TPM4: variants seen among roughly 807,000 people sequenced by gnomAD.
The protein encoded by TPM4 is tropomyosin alpha-4 chain.
Under a neutral mutation model 35.8 loss-of-function variants are expected in TPM4, and 17 were observed. The observed-to-expected ratio is 0.47, with a 90% confidence interval of 0.32 to 0.71. The LOEUF is 0.71. Ranked by LOEUF, TPM4 falls within the 30% of genes least tolerant of loss-of-function variation. The pLI, the probability that TPM4 is intolerant of heterozygous loss-of-function variation, is 0.03. For missense variants in TPM4, 240 were observed against 320.9 expected, an observed-to-expected ratio of 0.75 and a Z score of 1.93; for synonymous variants, 120 against 122.9, an observed-to-expected ratio of 0.98 and a Z score of 0.15.
rs770709069 is a variant in TPM4 at position 16,095,275 on chromosome 19, G to A, written c.664+1522G>A. On this transcript the variant is annotated intron_variant, in intron 7 of 7. Coordinates refer to ENST00000643579, the MANE Select transcript of TPM4 (RefSeq NM_003290.3). ...CCTCCGCCCTCTAGATGAGTTATAC[G>A]CTCAGAAGCTCAAGTACAAAGCTAT... is the stretch of plus-strand genomic sequence containing the variant. 9.7e-6 allele frequency: 10 copies of A among 1,026,554 alleles called. No individual in the cohort carries two copies. In the South Asian group the frequency reaches 4.0e-4, roughly 41 times the overall value. The allele number at this position is 1,026,554 out of a possible 1,614,324, so 63.6% of individuals were successfully genotyped here.
chr19:16,083,681 C>T (rs962113581), intron 2 of TPM4, among the ~76,000 whole-genome samples: 8 of 145,534 alleles, frequency 5.5e-5, no homozygotes, highest in Non-Finnish European at 8.9e-5. Context: ...CGCGTCTGCC[C>T]CTCATTCACA....
upstream of TPM4, among the ~76,000 whole-genome samples, chr19:16,072,609 C>A (rs112408348): frequency 2.6e-3 from 392 of 152,332 alleles, 4 homozygotes; most frequent in African/African-American, 8.7e-3. Context: ...TGGGGCTTCC[C>A]TGAGACAATA....
intron 2 of TPM4, chr19:16,068,102 CGTAT>C (rs899464998): frequency 1.9e-4 from 64 of 345,804 alleles, no homozygotes; most frequent in Middle Eastern, 7.8e-4. Context: ...TGTGTTTGAG[CGTAT>C]GTGTGTGTAC....
upstream of TPM4, among the ~76,000 whole-genome samples, chr19:16,073,448 C>T (rs1350538812): frequency 6.6e-6 from 1 of 152,192 alleles, no homozygotes; most frequent in Non-Finnish European, 1.5e-5. Context: ...CCGGAATGCT[C>T]AGAGACCAGC....
At chr19:16,093,998 T>A (rs919970355) in intron 7 of TPM4, among the ~76,000 whole-genome samples, 1 of 142,642 alleles carries the variant, frequency 7.0e-6, no homozygotes, top group Non-Finnish European at 1.5e-5. Flanking sequence ...TCTGGCTCTG[T>A]CTCCCAGGCT....
At chr19:16,083,439 C>T (rs2090508890) in intron 2 of TPM4, among the ~76,000 whole-genome samples, 1 of 152,166 alleles carries the variant, frequency 6.6e-6, no homozygotes, top group African/African-American at 2.4e-5. Context: ...GAGTGAGACT[C>T]TGTCTCAAAA....
intron 1 of TPM4, chr19:16,078,184 G>A (rs546690157): frequency 7.5e-5 from 30 of 398,720 alleles, no homozygotes; most frequent in Non-Finnish European, 1.0e-4. Context: ...GCAGTTATGG[G>A]AGCATGACAG....
intron 1 of TPM4, chr19:16,081,542 C>T (rs182391473): frequency 2.6e-4 from 42 of 163,922 alleles, no homozygotes; most frequent in African/African-American, 1.0e-3. Flanking sequence ...ACTACAGGCA[C>T]GTGCCACCAC....
At chr19:16,090,673 G>A (rs2090615892) in intron 5 of TPM4, among the ~76,000 whole-genome samples, 1 of 152,052 alleles carries the variant, frequency 6.6e-6, no homozygotes, top group African/African-American at 2.4e-5. Context: ...CTGGCATTAT[G>A]ATTTCTTACA....
At chr19:16,092,165 A>G (rs554088057) in intron 5 of TPM4, among the ~76,000 whole-genome samples, 82 of 146,032 alleles carry the variant, frequency 5.6e-4, no homozygotes, top group Non-Finnish European at 9.9e-4. Context: ...GTGACAGAGC[A>G]AGATTCTGTC....
At chr19:16,068,749 A>C (rs1013815642) in intron 2 of TPM4, among the ~76,000 whole-genome samples, 3 of 151,790 alleles carry the variant, frequency 2.0e-5, no homozygotes, top group Non-Finnish European at 4.4e-5. Context: ...GTGTGAGAGC[A>C]GTTCTGTGTG....
Position 16,070,713 on chromosome 19 carries a change from A to G in TPM4, c.114+2975A>G, listed in dbSNP as rs537188945. Among the ~76,000 whole-genome samples the G allele has an allele frequency of 1.1e-4, 16 of 152,174 alleles. No individual in the cohort carries two copies. The highest frequency in any genetic ancestry group is 3.9e-4 in the African/African-American group (16 of 41,522). On this transcript the variant is annotated intron_variant, in intron 2 of 2. Coordinates refer to the TPM4 transcript ENST00000589897. This position sits in a 1 kb window ranked among gnomAD's most constrained non-coding sequence, Gnocchi z 7.4. ...GTAAGCACTCAATAAATGTAGGTTG[A>G]TTTCCTGCCCCGCCCTACTTCCCCT...
At chr19:16,084,768 C>T (rs966743011) in intron 2 of TPM4, among the ~76,000 whole-genome samples, 4 of 152,128 alleles carry the variant, frequency 2.6e-5, no homozygotes, top group African/African-American at 7.2e-5. Context: ...AGCTTGCTCA[C>T]ATGCTGAGGG....
intron 3 of TPM4, 116 bp from the exon 4 acceptor site, chr19:16,087,911 C>T: frequency 2.8e-6 from 3 of 1,086,036 alleles, no homozygotes; most frequent in Non-Finnish European, 4.1e-6. Context: ...CAGAAAAACC[C>T]ATGTTGCAGC....
chr19:16,096,215 C>T (rs1298518525), intron 7 of TPM4, among the ~76,000 whole-genome samples: 12 of 152,170 alleles, frequency 7.9e-5, no homozygotes, highest in African/African-American at 1.2e-4. Flanking sequence ...AGGCTTGAGC[C>T]ATCACGCCTG....
At chr19:16,081,767 G>T in intron 1 of TPM4, 146 bp from the exon 2 acceptor site, 1 of 1,058,110 alleles carries the variant, frequency 9.5e-7, no homozygotes, top group Non-Finnish European at 1.3e-6. Flanking sequence ...TGAAATTTTG[G>T]TATGAGTGTA....
In TPM4 at chr19:16,091,241, G is replaced by A. The variant is rs140877272; in HGVS notation, c.531+2121G>A. On this transcript the variant is annotated intron_variant, in intron 5 of 7. Transcript: ENST00000643579. Reference sequence around the variant, plus strand: ...TAATTTTTGTATTTTTAGTAGAGACGGAGTTTCACCATGTTGGCCAGGCTC... The same window carrying A: ...TAATTTTTGTATTTTTAGTAGAGACAGAGTTTCACCATGTTGGCCAGGCTC... Among the ~76,000 whole-genome samples the A allele has an allele frequency of 9.3e-4, 142 of 152,058 alleles. 1 individual carries two copies. Among genetic ancestry groups the A allele is most frequent in the African/African-American group, 3.2e-3 (134 of 41,490 alleles).
At chr19:16,095,653 T>A in intron 7 of TPM4, 1 of 954,838 alleles carries the variant, frequency 1.0e-6, no homozygotes, top group Non-Finnish European at 1.3e-6. Flanking sequence ...AAATTATGCC[T>A]ACAGGATGCT....
chr19:16,100,492 A>T (rs2090751672), intron 7 of TPM4: 2 of 152,168 alleles, frequency 1.3e-5, no homozygotes, highest in African/African-American at 4.8e-5. Flanking sequence ...CTTGTTCCTT[A>T]GTATTCTGTG....
Sources: allele counts gnomAD v4.1 joint callset (sites outside exome capture counted in the v4.1 genomes callset), GRCh38; gene constraint gnomAD v4.1.1; non-coding constraint Gnocchi (gnomAD v3.1); transcripts MANE v1.5; gene names NCBI Gene and HGNC (gene_info 2026-07-23, HGNC 2026-07-21).